The following AGAP1 variants were observed in gnomAD, a reference collection of about 807,000 sequenced individuals.
AGAP1 encodes the protein arf-GAP with GTPase, ANK repeat and PH domain-containing protein 1.
In AGAP1, 29 loss-of-function variants were observed where a neutral mutation model predicts 105.3. The ratio of observed to expected loss-of-function variants is 0.28; its 90% confidence interval spans 0.21 to 0.38. The LOEUF is 0.38. Among genes scored for constraint, AGAP1 ranks in the 10% least tolerant of loss-of-function variants. The pLI is 1.00. For missense variants in AGAP1, 998 were observed against 1,165.1 expected (o/e 0.86, Z 2.09); for synonymous variants, 509 against 485.9 (o/e 1.05, Z -0.63).
chr2:235,845,684 A>G lies in AGAP1; in HGVS notation c.1051-37661A>G, dbSNP rs1961396726. On this transcript the variant is annotated intron_variant, in intron 9 of 17. Transcript: ENST00000304032. This position sits in a 1 kb window ranked among gnomAD's most constrained non-coding sequence, Gnocchi z 4.8. ...TTGTCTTTGCCTCTCGGTGACATCC[A>G]CGGAGTCACCCAAGTCACCAGCCGG... 6.6e-6 allele frequency among the ~76,000 whole-genome samples: 1 copy of G among 151,580 alleles called. No homozygotes were observed. The highest frequency in any genetic ancestry group is 6.6e-5 in the Admixed American group (1 of 15,212).
rs1218951690 is a variant in AGAP1, at chr2:235,517,451, G to T, written c.163+22602G>T. Reference sequence around the variant, plus strand: ...AGCAGGGCTTTGACGACATAGCTGTGCCCAACGTAGATCTTTATGGTAATT... The same window carrying T: ...AGCAGGGCTTTGACGACATAGCTGTTCCCAACGTAGATCTTTATGGTAATT... On this transcript the variant is annotated intron_variant, in intron 1 of 17. Coordinates refer to ENST00000304032, the MANE Select transcript of AGAP1 (RefSeq NM_001037131.3). The surrounding 1 kb of genome is among the most constrained non-coding windows in gnomAD (Gnocchi z 4.1). Among the ~76,000 whole-genome samples the T allele has an allele frequency of 6.6e-6, 1 of 152,152 alleles. No individual in the cohort carries two copies. The highest frequency in any genetic ancestry group is 1.5e-5 in the Non-Finnish European group (1 of 68,044).
chr2:235,789,594 G>A lies in AGAP1; in HGVS notation c.674-8165G>A, dbSNP rs1230573803. 6.6e-5 allele frequency among the ~76,000 whole-genome samples: 10 copies of A among 151,986 alleles called. No homozygotes were observed. Among genetic ancestry groups the A allele is most frequent in the African/African-American group, 2.4e-4 (10 of 41,340 alleles). On this transcript the variant is annotated intron_variant, in intron 6 of 17. Transcript: ENST00000304032. The surrounding 1 kb of genome is among the most constrained non-coding windows in gnomAD (Gnocchi z 4.2). ...AAGCAAGCTTGGCTTTTTAACCACA[G>A]CCTATTTTAGATTAGAGGGTTGTTT... is the stretch of plus-strand genomic sequence containing the variant.
rs1575643726 is a variant in AGAP1, at chr2:235,864,336, T to C, written c.1051-19009T>C. 6.6e-6 allele frequency among the ~76,000 whole-genome samples: 1 copy of C among 152,186 alleles called. No individual in the cohort carries two copies. The highest frequency in any genetic ancestry group is 1.5e-5 in the Non-Finnish European group (1 of 68,022). ...TCTGTGGCCGGCCTGGAGGCCTGGG[T>C]GTGCTTCCTAGGCAGGCAGTTGGAT... On this transcript the variant is annotated intron_variant, in intron 9 of 17. Transcript: ENST00000304032. The surrounding 1 kb of genome is among the most constrained non-coding windows in gnomAD (Gnocchi z 5.0).
chr2:235,571,331 C>T (rs1315798814), intron 1 of AGAP1, among the ~76,000 whole-genome samples: 1 of 152,190 alleles, frequency 6.6e-6, no homozygotes, highest in Non-Finnish European at 1.5e-5. Flanking sequence ...GAATGATTGT[C>T]TCTATGTGCT....
In AGAP1 at chr2:235,763,950, G is replaced by T. The variant is rs147451107; in HGVS notation, c.673+13462G>T. Among the ~76,000 whole-genome samples, 3 of 152,182 alleles carry T rather than the reference G, an allele frequency of 2.0e-5. No homozygotes were observed. The East Asian group carries it at 5.8e-4, about 29-fold the overall frequency. On this transcript the variant is annotated intron_variant, in intron 6 of 17. Coordinates refer to ENST00000304032, the MANE Select transcript of AGAP1 (RefSeq NM_001037131.3). ...AAGGTGGGAGCAGCCGTGCTCCCCA[G>T]AATGCTGACAGCACAGAGCACTGGT...
At position 235,923,635 on chromosome 2, in the gene AGAP1, G is replaced by A. The variant is rs554973692; in HGVS notation, c.1325-7130G>A. 5.9e-5 allele frequency among the ~76,000 whole-genome samples: 9 copies of A among 152,098 alleles called. No homozygotes were observed. The South Asian group carries it at 1.5e-3, about 25-fold the overall frequency. On this transcript the variant is annotated intron_variant, in intron 11 of 17. Coordinates refer to ENST00000304032, the MANE Select transcript of AGAP1 (RefSeq NM_001037131.3). Reference sequence around the variant, plus strand: ...CACTCTCGTGCTTGTCTCCGGCTCTGTGTTCTGTGTGTGATGTCACCGCAG... The same window carrying A: ...CACTCTCGTGCTTGTCTCCGGCTCTATGTTCTGTGTGTGATGTCACCGCAG...
chr2:235,743,038 G>A (rs1465383260), intron 4 of AGAP1, among the ~76,000 whole-genome samples: 4 of 152,138 alleles, frequency 2.6e-5, no homozygotes, highest in East Asian at 3.9e-4. Context: ...GTGGTGGCAC[G>A]TGCCTGTAAT....
rs78681449 is a variant in AGAP1, at chr2:236,080,465, G to A, written c.2114+31184G>A. Among the ~76,000 whole-genome samples the A allele has an allele frequency of 0.012, 1,804 of 152,236 alleles. 32 individuals carry two copies. Among genetic ancestry groups the A allele is most frequent in the African/African-American group, 0.041 (1,712 of 41,524 alleles). ...CCCAGGCCAAGGGAAGAGTTGTTAC[G>A]GAGACTCTATGGCCAAGAGGGACAG... On this transcript the variant is annotated intron_variant, in intron 16 of 17. Transcript: ENST00000304032. This position sits in a 1 kb window ranked among gnomAD's most constrained non-coding sequence, Gnocchi z 4.2.
At chr2:235,587,474 G>A (rs77535411) in intron 1 of AGAP1, among the ~76,000 whole-genome samples, 3,793 of 152,270 alleles carry the variant, frequency 0.025, 165 homozygotes, top group African/African-American at 0.086. Context: ...CCAACAGGCC[G>A]GGTGCGGTGG....
Position 235,621,949 on chromosome 2 carries a change from G to A in AGAP1, c.164-87230G>A, listed in dbSNP as rs951451672. Among the ~76,000 whole-genome samples, 4 of 151,910 alleles carry A rather than the reference G, an allele frequency of 2.6e-5. No homozygotes were observed. Among genetic ancestry groups the A allele is most frequent in the Non-Finnish European group, 5.9e-5 (4 of 67,990 alleles). ...CGGCCACTGTGTGGATGTTTCTGACGGCCTCTTACAGACTCTGTCCTTTTT... is the reference window on the plus strand; with the variant it reads ...CGGCCACTGTGTGGATGTTTCTGACAGCCTCTTACAGACTCTGTCCTTTTT... On this transcript the variant is annotated intron_variant, in intron 1 of 17. Coordinates refer to ENST00000304032, the MANE Select transcript of AGAP1 (RefSeq NM_001037131.3). This position sits in a 1 kb window ranked among gnomAD's most constrained non-coding sequence, Gnocchi z 4.1.
intron 6 of AGAP1, among the ~76,000 whole-genome samples, chr2:235,790,606 C>G (rs559700380): frequency 9.9e-5 from 15 of 152,194 alleles, no homozygotes; most frequent in Non-Finnish European, 1.8e-4. Flanking sequence ...TTAAGGACAA[C>G]TTCACACTTG....
At chr2:236,032,745 G>C (rs13432074) in intron 13 of AGAP1, among the ~76,000 whole-genome samples, 62,020 of 152,002 alleles carry the variant, frequency 0.41, 16,709 homozygotes, top group African/African-American at 0.77. Flanking sequence ...AGGGGGACAT[G>C]AAGTTTGCAA....
chr2:235,958,358 C>T lies in AGAP1; in HGVS notation c.1484-10104C>T, dbSNP rs1021254815. 6.6e-6 allele frequency among the ~76,000 whole-genome samples: 1 copy of T among 152,068 alleles called. No individual in the cohort carries two copies. Among genetic ancestry groups the T allele is most frequent in the Non-Finnish European group, 1.5e-5 (1 of 68,004 alleles). On this transcript the variant is annotated intron_variant, in intron 12 of 17. Transcript: ENST00000304032. This position sits in a 1 kb window ranked among gnomAD's most constrained non-coding sequence, Gnocchi z 4.1. ...GCCCTGCTAACGGCAGCAGTAACAG[C>T]GGGAGTCCTTGCAGCAGGGAGGCTT...
In AGAP1 at chr2:236,055,420, C is replaced by G. The variant is rs909304762; in HGVS notation, c.2114+6139C>G. 6.1e-4 allele frequency among the ~76,000 whole-genome samples: 93 copies of G among 152,356 alleles called. No individual in the cohort carries two copies. Among genetic ancestry groups the G allele is most frequent in the Middle Eastern group, 3.4e-3 (1 of 294 alleles). Reference sequence around the variant, plus strand: ...AGCTGCTGTGCTCTGTGAGCCTCGTCTCTTCCAATATAAATTATCATGTGA... The same window carrying G: ...AGCTGCTGTGCTCTGTGAGCCTCGTGTCTTCCAATATAAATTATCATGTGA... On this transcript the variant is annotated intron_variant, in intron 16 of 17. Transcript: ENST00000304032. This position sits in a 1 kb window ranked among gnomAD's most constrained non-coding sequence, Gnocchi z 6.2.
intron 13 of AGAP1, among the ~76,000 whole-genome samples, chr2:236,017,580 G>A (rs1466326589): frequency 6.6e-6 from 1 of 152,160 alleles, no homozygotes; most frequent in Non-Finnish European, 1.5e-5. Context: ...GTGGACACTG[G>A]AGTTTCCTGT....
intron 6 of AGAP1, among the ~76,000 whole-genome samples, chr2:235,780,249 GT>G (rs1559478253): frequency 6.6e-6 from 1 of 152,038 alleles, no homozygotes; most frequent in Non-Finnish European, 1.5e-5. Context: ...AGGAATTTAG[GT>G]TTAAGAAAAT....
chr2:236,069,331 A>G (rs1377451738), intron 16 of AGAP1, among the ~76,000 whole-genome samples: 10 of 152,214 alleles, frequency 6.6e-5, no homozygotes, highest in South Asian at 4.1e-4. Flanking sequence ...TACATTTCAT[A>G]TAATGTAATG....
At chr2:235,819,324 A>T (rs917770152) in intron 9 of AGAP1, among the ~76,000 whole-genome samples, 1 of 151,876 alleles carries the variant, frequency 6.6e-6, no homozygotes, top group Admixed American at 6.6e-5. Flanking sequence ...CATGTTGCCC[A>T]GGCTGGTCTC....
At chr2:236,097,527 G>C (rs1360395884) in intron 16 of AGAP1, among the ~76,000 whole-genome samples, 1 of 151,380 alleles carries the variant, frequency 6.6e-6, no homozygotes. Context: ...TGAGTAGCTG[G>C]AACTACAGGC....
Sources: gnomAD v4.1 joint callset for allele counts (sites outside exome capture counted in the v4.1 genomes callset) on GRCh38, gnomAD v4.1.1 for gene constraint, Gnocchi (gnomAD v3.1) non-coding constraint, MANE v1.5 for transcripts, NCBI Gene and HGNC (gene_info 2026-07-23, HGNC 2026-07-21) for gene names.